Variants in TBC1D31 observed in about 807,000 individuals in gnomAD.
TBC1D31 encodes WD repeat domain 67.
In TBC1D31, 99 loss-of-function variants were observed where a neutral mutation model predicts 132.9. The ratio of observed to expected loss-of-function variants is 0.74; its 90% CI spans 0.63 to 0.88. The LOEUF is 0.88. Among genes scored for constraint, TBC1D31 ranks in the 40% least tolerant of loss-of-function variants. The probability of loss-of-function intolerance (pLI) is 0.00; values close to 1 mark genes in which losing one functional copy is unlikely to be tolerated. For synonymous variants in TBC1D31, 385 were observed against 419.4 expected (o/e 0.92, Z 1.00); for missense variants, 1,134 against 1,256.6 (o/e 0.90, Z 1.48).
chr8:123,078,402 TG>T (rs1814767041), intron 2 of TBC1D31, among the ~76,000 whole-genome samples: 1 of 152,180 alleles, frequency 6.6e-6, no homozygotes, highest in African/African-American at 2.4e-5. Context: ...TTTGAACCCC[TG>T]GTTTTGAATA....
Position 123,072,762 on chromosome 8 carries a change from G to A in TBC1D31, c.-8G>A. The A allele has an allele frequency of 1.9e-6, 3 of 1,558,874 alleles. No individual in the cohort carries two copies. Among genetic ancestry groups the A allele is most frequent in the South Asian group, 2.4e-5 (2 of 84,566 alleles). ...GCGGGCCGCCGGCGGTCGTGGGCAAGCTTCGCCATGCAGAGCACTGACCTA... is the reference window on the plus strand; with the variant it reads ...GCGGGCCGCCGGCGGTCGTGGGCAAACTTCGCCATGCAGAGCACTGACCTA... On this transcript the variant is annotated 5_prime_UTR_variant, in exon 1 of 22. Coordinates refer to ENST00000287380, the MANE Select transcript of TBC1D31 (RefSeq NM_145647.4).
intron 19 of TBC1D31, among the ~76,000 whole-genome samples, chr8:123,144,464 T>TAA (rs1446706210): frequency 2.6e-5 from 4 of 152,210 alleles, no homozygotes; most frequent in Non-Finnish European, 5.9e-5. Context: ...TTTCAGCAAT[T>TAA]ATTGGGATAT....
intron 2 of TBC1D31, chr8:123,082,498 G>A: frequency 1.9e-6 from 1 of 531,936 alleles, no homozygotes; most frequent in South Asian, 2.6e-5. Flanking sequence ...TGATTCTGCT[G>A]TGCTAACACT....
In TBC1D31 at chr8:123,126,019, A is replaced by T. The variant is rs183384621; in HGVS notation, c.1571-37A>T. On this transcript the variant is annotated intron_variant, in intron 11 of 21. Coordinates refer to ENST00000287380, the MANE Select transcript of TBC1D31 (RefSeq NM_145647.4). ...CAAAGAGTTTTGATAACATGGAAAG[A>T]TATTTAAAGATATGTTTTCTTTTTT... 142 of 1,513,176 alleles carry T rather than the reference A, an allele frequency of 9.4e-5. No individual in the cohort carries two copies. The East Asian group carries it at 1.7e-3, about 19-fold the overall frequency. The allele number at this position is 1,513,176 out of a possible 1,614,324, so 93.7% of individuals were successfully genotyped here.
intron 1 of TBC1D31, chr8:123,073,446 G>A (rs1563656986): frequency 2.2e-6 from 1 of 455,676 alleles, no homozygotes; most frequent in Non-Finnish European, 4.4e-6. Context: ...GTAGGGGCTG[G>A]GGCGTTCATT....
At chr8:123,105,642 C>A (rs1817854313) in intron 8 of TBC1D31, among the ~76,000 whole-genome samples, 178 bp downstream of exon 8, 1 of 152,142 alleles carries the variant, frequency 6.6e-6, no homozygotes, top group Admixed American at 6.6e-5. Context: ...TCAAGTGATC[C>A]TCCCACCTTG....
At chr8:123,107,813 T>G (rs1013186915) in intron 8 of TBC1D31, among the ~76,000 whole-genome samples, 1 of 152,226 alleles carries the variant, frequency 6.6e-6, no homozygotes, top group Non-Finnish European at 1.5e-5. Context: ...AGAACACTTC[T>G]ATGGCATGAA....
intron 6 of TBC1D31, chr8:123,097,683 TG>T (rs1403161022): frequency 5.7e-6 from 2 of 349,032 alleles, no homozygotes; most frequent in Admixed American, 9.0e-5. Flanking sequence ...TTGTACTTTA[TG>T]GTTTGCAGTG....
chr8:123,123,393 C>T, intron 11 of TBC1D31: 1 of 184,560 alleles, frequency 5.4e-6, no homozygotes. Flanking sequence ...CACAAGAGGC[C>T]TCCTTTGGCC....
rs1229355346 is a variant in TBC1D31 at position 123,145,587 on chromosome 8, G to A, written c.2974+732G>A. ...ATTTAAAACTGTAAAATACCCTGGA[G>A]GCTGAGGCGAGAGGATCTCTTTGAG... On this transcript the variant is annotated intron_variant, in intron 20 of 21. Transcript: ENST00000287380. Among the ~76,000 whole-genome samples the A allele has an allele frequency of 2.6e-5, 4 of 151,966 alleles. No individual in the cohort carries two copies. The South Asian group carries it at 8.3e-4, about 31-fold the overall frequency.
the TBC1D31 span, among the ~76,000 whole-genome samples, chr8:123,162,411 G>A: frequency 4.6e-5 from 7 of 152,110 alleles, no homozygotes; most frequent in African/African-American, 9.6e-5. Flanking sequence ...TTTCCCTTGC[G>A]GCAAATGGAC....
At chr8:123,156,719 C>G (rs980954855), downstream of TBC1D31, among the ~76,000 whole-genome samples, 6 of 152,176 alleles carry the variant, frequency 3.9e-5, no homozygotes, top group African/African-American at 1.4e-4. Context: ...CACCCCTCTC[C>G]CAGACCCTAT....
chr8:123,112,584 C>A (rs1212578131), intron 10 of TBC1D31, among the ~76,000 whole-genome samples: 1 of 151,922 alleles, frequency 6.6e-6, no homozygotes, highest in East Asian at 1.9e-4. Context: ...TTTTTTTATA[C>A]CTGCATTATG....
At chr8:123,152,360 G>T, downstream of TBC1D31, among the ~76,000 whole-genome samples, 1 of 152,072 alleles carries the variant, frequency 6.6e-6, no homozygotes, top group East Asian at 1.9e-4. Flanking sequence ...GCCCACCCCC[G>T]CCTCTGCCAG....
chr8:123,079,631 C>A (rs1469230380), intron 2 of TBC1D31, among the ~76,000 whole-genome samples: 1 of 152,128 alleles, frequency 6.6e-6, no homozygotes, highest in African/African-American at 2.4e-5. Flanking sequence ...GGACTCTTTG[C>A]ACTTCATTTG....
At chr8:123,162,842 C>CTT in the TBC1D31 span, among the ~76,000 whole-genome samples, 3 of 151,014 alleles carry the variant, frequency 2.0e-5, no homozygotes, top group Admixed American at 6.6e-5. Flanking sequence ...TTTTTCTTTT[C>CTT]TTTTTTTTTA....
chr8:123,124,847 TAA>T (rs1254763528), intron 11 of TBC1D31, among the ~76,000 whole-genome samples: 1 of 145,922 alleles, frequency 6.9e-6, no homozygotes, highest in Non-Finnish European at 1.5e-5. Context: ...TGAGACAAGA[TAA>T]TCACTTGAAC....
intron 4 of TBC1D31, among the ~76,000 whole-genome samples, chr8:123,092,118 G>C (rs913351529): frequency 1.3e-5 from 2 of 152,066 alleles, no homozygotes; most frequent in Non-Finnish European, 2.9e-5. Flanking sequence ...AGGTTCAAGT[G>C]ATTCTCATGC....
chr8:123,161,302 A>T, the TBC1D31 span, among the ~76,000 whole-genome samples: 1 of 152,166 alleles, frequency 6.6e-6, no homozygotes. Flanking sequence ...TACCCCCGCG[A>T]AAACCTGATC....
Sources: allele counts gnomAD v4.1 joint callset (sites outside exome capture counted in the v4.1 genomes callset), GRCh38; gene constraint gnomAD v4.1.1; transcripts MANE v1.5; gene names NCBI Gene and HGNC (gene_info 2026-07-23, HGNC 2026-07-21).